SH2D4B: variants seen among roughly 807,000 people sequenced by gnomAD.
SH2D4B encodes SH2 domain-containing protein 4B.
A neutral mutation model predicts 61.5 loss-of-function variants in SH2D4B; 45 were observed. The observed-to-expected ratio is 0.73, with a 90% CI of 0.58 to 0.94. SH2D4B has a LOEUF of 0.94. Among genes scored for constraint, SH2D4B ranks in the 40% least tolerant of loss-of-function variants. The pLI, the probability that SH2D4B is intolerant of heterozygous loss-of-function variation, is 0.00. For missense variants in SH2D4B, 572 were observed against 574.2 expected, an observed-to-expected ratio of 1.00 and a Z score of 0.04; for synonymous variants, 224 against 220.4, an observed-to-expected ratio of 1.02 and a Z score of -0.14.
At chr10:80,583,502 C>A (rs1297093996) in intron 3 of SH2D4B, among the ~76,000 whole-genome samples, 1 of 150,762 alleles carries the variant, frequency 6.6e-6, no homozygotes, top group Non-Finnish European at 1.5e-5. Context: ...AACCCGTCTC[C>A]ACTAAAAATA....
chr10:80,609,087 C>G lies in SH2D4B; in HGVS notation c.861-337C>G, dbSNP rs912879403. On this transcript the variant is annotated intron_variant, in intron 5 of 7. Transcript: ENST00000646907. ...TGCCTTTTCTTTCCCTCAGACACCC[C>G]CTCCTAGCCTCTTTTCATTCTCACC... Among the ~76,000 whole-genome samples the G allele has an allele frequency of 2.6e-5, 4 of 152,304 alleles. No homozygotes were observed. The East Asian group carries it at 5.8e-4, about 22-fold the overall frequency.
At chr10:80,601,520 G>A (rs553697026) in intron 4 of SH2D4B, among the ~76,000 whole-genome samples, 2 of 152,250 alleles carry the variant, frequency 1.3e-5, no homozygotes, top group South Asian at 4.1e-4. Flanking sequence ...ACAAAAATAC[G>A]TATCGCCTGC....
intron 4 of SH2D4B, 102 bp from the exon 5 acceptor site, chr10:80,603,477 T>G: frequency 9.0e-7 from 1 of 1,114,484 alleles, no homozygotes; most frequent in Non-Finnish European, 1.3e-6. Context: ...TGCCACTACA[T>G]TGCAATTACT....
chr10:80,559,780 C>T (rs936727990), intron 1 of SH2D4B, among the ~76,000 whole-genome samples: 4 of 148,878 alleles, frequency 2.7e-5, no homozygotes, highest in South Asian at 2.1e-4. Flanking sequence ...TGGAACTACA[C>T]GCATGCACCA....
intron 6 of SH2D4B, among the ~76,000 whole-genome samples, chr10:80,613,653 C>T (rs556349151): frequency 6.6e-6 from 1 of 152,366 alleles, no homozygotes; most frequent in Non-Finnish European, 1.5e-5. Context: ...GTGTTACTGG[C>T]ATGCTTCTTC....
chr10:80,592,885 T>G (rs118110573), intron 4 of SH2D4B, among the ~76,000 whole-genome samples: 6,108 of 151,976 alleles, frequency 0.04, 171 homozygotes, highest in Non-Finnish European at 0.065. Context: ...CTAGTTTTTT[T>G]TTTTCGTATT....
intron 5 of SH2D4B, 22 bp downstream of exon 5, chr10:80,603,817 G>T: frequency 6.3e-7 from 1 of 1,597,620 alleles, no homozygotes; most frequent in Non-Finnish European, 8.5e-7. Flanking sequence ...CTCCGTGTTG[G>T]TGTGGTTGGG....
chr10:80,631,058 C>A (rs1425250180), intron 6 of SH2D4B, among the ~76,000 whole-genome samples: 1 of 152,112 alleles, frequency 6.6e-6, no homozygotes, highest in Non-Finnish European at 1.5e-5. Flanking sequence ...GGAAAGAGAC[C>A]CCTTGCACAT....
intron 7 of SH2D4B, among the ~76,000 whole-genome samples, chr10:80,638,128 G>A (rs1160540744): frequency 6.6e-6 from 1 of 152,190 alleles, no homozygotes; most frequent in Non-Finnish European, 1.5e-5. Flanking sequence ...GCATCCCAGG[G>A]ATGAAGCTGA....
chr10:80,628,063 C>G (rs898407935), intron 6 of SH2D4B, among the ~76,000 whole-genome samples: 33 of 152,144 alleles, frequency 2.2e-4, no homozygotes, highest in African/African-American at 7.2e-4. Flanking sequence ...TAGGGCCTTC[C>G]CCTGTTTCCT....
chr10:80,640,807 A>G (rs1205866356), intron 7 of SH2D4B, among the ~76,000 whole-genome samples: 1 of 152,206 alleles, frequency 6.6e-6, no homozygotes, highest in Non-Finnish European at 1.5e-5. Flanking sequence ...CGTCAAAGTC[A>G]TTCTTCCTCC....
chr10:80,599,634 C>G (rs17107274), intron 4 of SH2D4B, among the ~76,000 whole-genome samples: 17,495 of 152,208 alleles, frequency 0.11, 1,184 homozygotes, highest in East Asian at 0.25. Flanking sequence ...TGCCCGCAGG[C>G]TTCAGGACCA....
chr10:80,628,670 G>GT (rs1298403799), intron 6 of SH2D4B, among the ~76,000 whole-genome samples: 2 of 152,140 alleles, frequency 1.3e-5, no homozygotes, highest in Non-Finnish European at 2.9e-5. Context: ...ATTACCTTTG[G>GT]TTTTGTGCCA....
intron 5 of SH2D4B, among the ~76,000 whole-genome samples, chr10:80,608,903 C>T (rs1301966596): frequency 6.6e-6 from 1 of 152,222 alleles, no homozygotes; most frequent in Non-Finnish European, 1.5e-5. Context: ...CACAGGCAGG[C>T]GTCCCCTCAG....
chr10:80,538,432 A>T lies in SH2D4B; in HGVS notation c.101A>T (p.Glu34Val). The T allele has an allele frequency of 6.7e-7, 1 of 1,495,792 alleles. No individual in the cohort carries two copies. The highest frequency in any genetic ancestry group is 8.9e-7 in the Non-Finnish European group (1 of 1,120,724). The allele number at this position is 1,495,792 out of a possible 1,614,324, so 92.7% of individuals were successfully genotyped here. The stretch of plus-strand genomic sequence containing the variant: ...ATCCTCTTCTACAAAATGCGGGAGG[A>T]GCAGCTGAGGCGCTGGAAGGAGCGG... ...KHILFYKMRE[E>V]QLRRWKERET... The change falls in exon 1 of 8, where the codon GAG (glutamate) becomes GTG (valine). Residue 34 changes from glutamate to valine, a missense_variant. Coordinates refer to ENST00000646907, the MANE Select transcript of SH2D4B (RefSeq NM_001388272.1). The surrounding 1 kb of genome is among the most constrained non-coding windows in gnomAD (Gnocchi z 4.8).
chr10:80,557,686 T>C (rs1841856124), intron 1 of SH2D4B, among the ~76,000 whole-genome samples: 1 of 152,200 alleles, frequency 6.6e-6, no homozygotes, highest in African/African-American at 2.4e-5. Context: ...TCTTTAGTGA[T>C]GACCTCTCTT....
chr10:80,627,993 G>A (rs1842782542), intron 6 of SH2D4B, among the ~76,000 whole-genome samples: 2 of 152,224 alleles, frequency 1.3e-5, no homozygotes, highest in African/African-American at 4.8e-5. Flanking sequence ...GTCATTAGCA[G>A]AGTGAGGAAG....
At chr10:80,558,536 A>G (rs1280822854) in intron 1 of SH2D4B, among the ~76,000 whole-genome samples, 1 of 152,160 alleles carries the variant, frequency 6.6e-6, no homozygotes, top group Non-Finnish European at 1.5e-5. Context: ...GCTGGAGTGC[A>G]GTGGTTCAGT....
intron 6 of SH2D4B, among the ~76,000 whole-genome samples, chr10:80,624,605 G>A (rs1231310713): frequency 6.6e-6 from 1 of 152,208 alleles, no homozygotes; most frequent in Non-Finnish European, 1.5e-5. Flanking sequence ...CTACATGTTA[G>A]AATCAACTGA....
Sources: gnomAD v4.1 joint callset for allele counts (sites outside exome capture counted in the v4.1 genomes callset) on GRCh38, gnomAD v4.1.1 for gene constraint, Gnocchi (gnomAD v3.1) non-coding constraint, MANE v1.5 for transcripts, NCBI Gene and HGNC (gene_info 2026-07-23, HGNC 2026-07-21) for gene names.